Variants in CDH20 observed in about 807,000 individuals in gnomAD.
The protein encoded by CDH20 is cadherin 20.
CDH20 carries 29 observed loss-of-function variants against 74.2 expected under a neutral mutation model. That is an observed-to-expected ratio of 0.39 (90% CI 0.29 to 0.53). CDH20 has a LOEUF of 0.53. Ranked by LOEUF, CDH20 falls within the 20% of genes least tolerant of loss-of-function variation. The probability of loss-of-function intolerance (pLI) is 0.69; values close to 1 mark genes in which losing one functional copy is unlikely to be tolerated. For missense variants in CDH20, 988 were observed against 1,048.3 expected, an observed-to-expected ratio of 0.94 and a Z score of 0.79; for synonymous variants, 469 against 405.4, an observed-to-expected ratio of 1.16 and a Z score of -1.88.
chr18:61,550,919 G>C (rs1311334824), intron 11 of CDH20, among the ~76,000 whole-genome samples: 1 of 152,210 alleles, frequency 6.6e-6, no homozygotes, highest in Non-Finnish European at 1.5e-5. Context: ...GAACCACACA[G>C]ATTTCTGGAG....
At chr18:61,481,124 A>G (rs953589033) in intron 1 of CDH20, among the ~76,000 whole-genome samples, 2 of 152,246 alleles carry the variant, frequency 1.3e-5, no homozygotes, top group African/African-American at 2.4e-5. Context: ...AGTACTGCCC[A>G]TAGATACATG....
intron 1 of CDH20, among the ~76,000 whole-genome samples, chr18:61,463,941 C>T (rs1038772983): frequency 2.0e-5 from 3 of 152,100 alleles, no homozygotes; most frequent in African/African-American, 7.2e-5. Flanking sequence ...CCCTCCTCTG[C>T]CCACACCGAG....
intron 1 of CDH20, among the ~76,000 whole-genome samples, chr18:61,371,611 T>C (rs1261198643): frequency 6.6e-6 from 1 of 152,118 alleles, no homozygotes; most frequent in East Asian, 1.9e-4. Flanking sequence ...TCATGCCCTC[T>C]GTGTCACTAC....
chr18:61,498,769 A>G (rs1235328031), intron 2 of CDH20, among the ~76,000 whole-genome samples: 1 of 152,210 alleles, frequency 6.6e-6, no homozygotes, highest in African/African-American at 2.4e-5. Context: ...TTGATACTCC[A>G]AAACTTACGG....
intron 11 of CDH20, among the ~76,000 whole-genome samples, chr18:61,550,549 G>A (rs1023399337): frequency 1.3e-5 from 2 of 152,200 alleles, no homozygotes; most frequent in African/African-American, 2.4e-5. Context: ...GGTTCATTTT[G>A]ACATCATAGA....
chr18:61,432,261 A>C (rs1336355310), intron 1 of CDH20, among the ~76,000 whole-genome samples: 4 of 151,474 alleles, frequency 2.6e-5, no homozygotes, highest in East Asian at 3.9e-4. Context: ...AAAAAAAAAA[A>C]AAACACAAAG....
intron 1 of CDH20, among the ~76,000 whole-genome samples, chr18:61,416,922 C>CTAAACTATA (rs1417794821): frequency 1.3e-5 from 2 of 152,120 alleles, no homozygotes; most frequent in African/African-American, 4.8e-5. Context: ...AGATATATAC[C>CTAAACTATA]GTTTATAACT....
Position 61,353,683 on chromosome 18 carries a change from C to G in CDH20, c.-153+19856C>G, listed in dbSNP as rs1341462413. On this transcript the variant is annotated intron_variant, in intron 1 of 11. Coordinates refer to ENST00000262717, the MANE Select transcript of CDH20 (RefSeq NM_031891.4). This position sits in a 1 kb window ranked among gnomAD's most constrained non-coding sequence, Gnocchi z 4.6. ...AAATGCCCTTCGACCAACTCCAAAC[C>G]CACTGAGATCACTCTTGATCTTGGC... Among the ~76,000 whole-genome samples the G allele has an allele frequency of 6.6e-6, 1 of 152,188 alleles. No individual in the cohort carries two copies. Among genetic ancestry groups the G allele is most frequent in the Non-Finnish European group, 1.5e-5 (1 of 68,034 alleles).
chr18:61,527,173 C>G (rs758314423), intron 6 of CDH20, among the ~76,000 whole-genome samples: 1 of 152,058 alleles, frequency 6.6e-6, no homozygotes, highest in Non-Finnish European at 1.5e-5. Context: ...GAGCGAGACT[C>G]CATCTCAAAA....
rs80075688 is a variant in CDH20 at position 61,403,257 on chromosome 18, G to A, written c.-153+69430G>A. On this transcript the variant is annotated intron_variant, in intron 1 of 11. Coordinates refer to ENST00000262717, the MANE Select transcript of CDH20 (RefSeq NM_031891.4). The stretch of plus-strand genomic sequence containing the variant: ...GCATTTCTGGGATGTTGAGGAGAAC[G>A]TGTTTGGTCTTAACTGTCTCTCGAT... Among the ~76,000 whole-genome samples the A allele has an allele frequency of 2.1e-3, 315 of 152,284 alleles. 3 individuals are homozygous for A. The highest frequency in any genetic ancestry group is 7.0e-3 in the African/African-American group (291 of 41,556).
intron 1 of CDH20, among the ~76,000 whole-genome samples, chr18:61,421,049 C>CA (rs111620205): frequency 6.6e-6 from 1 of 151,660 alleles, no homozygotes; most frequent in Non-Finnish European, 1.5e-5. Flanking sequence ...ATACTGTCTC[C>CA]AAAAAAATAA....
At chr18:61,478,964 T>C (rs1013013266) in intron 1 of CDH20, among the ~76,000 whole-genome samples, 7 of 151,798 alleles carry the variant, frequency 4.6e-5, no homozygotes, top group Non-Finnish European at 7.4e-5. Context: ...TATATAAATA[T>C]AATAGTCTCA....
intron 5 of CDH20, among the ~76,000 whole-genome samples, chr18:61,504,759 G>A (rs989847688): frequency 1.3e-5 from 2 of 152,260 alleles, no homozygotes; most frequent in South Asian, 2.1e-4. Context: ...ACTGTCAGAT[G>A]AATAGTTGCA....
chr18:61,525,139 G>A (rs1912346935), intron 6 of CDH20, among the ~76,000 whole-genome samples: 1 of 151,990 alleles, frequency 6.6e-6, no homozygotes, highest in South Asian at 2.1e-4. Context: ...GGGTCACGGG[G>A]GTTTTGAAAC....
chr18:61,480,757 G>T (rs1910561848), intron 1 of CDH20, among the ~76,000 whole-genome samples: 1 of 152,172 alleles, frequency 6.6e-6, no homozygotes, highest in South Asian at 2.1e-4. Flanking sequence ...TTCCTCATAA[G>T]ATTTCCAAGT....
At chr18:61,471,065 G>A (rs1224337585) in intron 1 of CDH20, among the ~76,000 whole-genome samples, 1 of 152,106 alleles carries the variant, frequency 6.6e-6, no homozygotes, top group Admixed American at 6.6e-5. Flanking sequence ...ATATTATGAT[G>A]AAAAAGAGGT....
chr18:61,442,274 C>G (rs911879572), intron 1 of CDH20, among the ~76,000 whole-genome samples: 1 of 151,330 alleles, frequency 6.6e-6, no homozygotes, highest in Non-Finnish European at 1.5e-5. Context: ...TCTCTTGAAC[C>G]TAGGAGCTCA....
intron 2 of CDH20, among the ~76,000 whole-genome samples, chr18:61,495,763 T>A (rs1265237348): frequency 6.6e-6 from 1 of 152,078 alleles, no homozygotes; most frequent in Non-Finnish European, 1.5e-5. Flanking sequence ...GGAGCTGCGC[T>A]CTCTCTCTGA....
intron 1 of CDH20, among the ~76,000 whole-genome samples, chr18:61,460,621 A>G (rs1909734988): frequency 6.6e-6 from 1 of 152,158 alleles, no homozygotes; most frequent in African/African-American, 2.4e-5. Flanking sequence ...ACAGACACCC[A>G]TGGGAGTTAC....
Sources: gnomAD v4.1 joint callset for allele counts (sites outside exome capture counted in the v4.1 genomes callset) on GRCh38, gnomAD v4.1.1 for gene constraint, Gnocchi (gnomAD v3.1) non-coding constraint, MANE v1.5 for transcripts, NCBI Gene and HGNC (gene_info 2026-07-23, HGNC 2026-07-21) for gene names.